The following COPG2 variants were observed in gnomAD, a reference collection of about 807,000 sequenced individuals.
COPG2 encodes the protein coatomer subunit gamma-2.
Under a neutral mutation model 46.3 loss-of-function variants are expected in COPG2, and 37 were observed. The observed-to-expected ratio is 0.80, with a 90% confidence interval of 0.61 to 1.05. The LOEUF (loss-of-function observed/expected upper bound fraction) is 1.05, where lower values mean the gene tolerates loss of function less well. COPG2 is among the 50% of genes least tolerant of loss of function. The pLI is 0.00. For missense variants in COPG2, 427 were observed against 387.8 expected (o/e 1.10, Z -0.85); for synonymous variants, 159 against 129.7 (o/e 1.23, Z -1.53).
chr7:130,545,724 C>T (rs1184343880), intron 20 of COPG2, among the ~76,000 whole-genome samples: 2 of 152,016 alleles, frequency 1.3e-5, no homozygotes, highest in Non-Finnish European at 2.9e-5. Context: ...ATCAAACAAA[C>T]CATCAAGCAA....
chr7:130,518,341 A>C (rs1799695900), intron 20 of COPG2, among the ~76,000 whole-genome samples: 1 of 152,176 alleles, frequency 6.6e-6, no homozygotes, highest in South Asian at 2.1e-4. Flanking sequence ...TTTGTTGATA[A>C]GAAAGGGTAG....
At chr7:130,531,347 G>A (rs1486261074) in intron 20 of COPG2, among the ~76,000 whole-genome samples, 1 of 152,042 alleles carries the variant, frequency 6.6e-6, no homozygotes, top group African/African-American at 2.4e-5. Context: ...CCTCACGTAG[G>A]GTGCAAGGTC....
intron 12 of COPG2, among the ~76,000 whole-genome samples, chr7:130,558,845 C>T (rs1201660667): frequency 2.0e-5 from 3 of 151,950 alleles, no homozygotes; most frequent in Non-Finnish European, 4.4e-5. Context: ...TGGGGGGCAA[C>T]TAACTGTGTA....
In COPG2 at chr7:130,662,970, A is replaced by T; in HGVS notation, c.240T>A (p.Asn80Lys). 6.5e-7 allele frequency: 1 copy of T among 1,540,822 alleles called. No homozygotes were observed. The highest frequency in any genetic ancestry group is 1.2e-5 in the South Asian group (1 of 81,672). Reference sequence around the variant, plus strand: ...AAAAAAATTTAAAAAGACTTACATCATTAGATTGAAACAATCGCGTCATTG... The same window carrying T: ...AAAAAAATTTAAAAAGACTTACATCTTTAGATTGAAACAATCGCGTCATTG... ...FFAMTRLFQS[N>K]DQTLRRMCYL... Residue 80 changes from asparagine (N) to lysine (K), a missense_variant, in exon 4 of 24, where the codon AAT becomes AAA. By Grantham distance (94) the Asn-to-Lys change is moderately conservative (BLOSUM62 0). Coordinates refer to ENST00000425248, the MANE Select transcript of COPG2 (RefSeq NM_012133.6).
intron 19 of COPG2, 43 bp from the exon 20 acceptor site, chr7:130,547,888 T>C (rs1793470546): frequency 2.5e-6 from 1 of 398,410 alleles, no homozygotes. Flanking sequence ...GATAACAAGT[T>C]ATCCTTCCTA....
intron 20 of COPG2, among the ~76,000 whole-genome samples, chr7:130,534,994 G>C (rs1799864397): frequency 6.6e-6 from 1 of 152,190 alleles, no homozygotes; most frequent in African/African-American, 2.4e-5. Flanking sequence ...GCAGCCGTAA[G>C]GGAAGGCGCT....
chr7:130,561,535 G>T (rs1158155308), intron 11 of COPG2, among the ~76,000 whole-genome samples: 2 of 152,068 alleles, frequency 1.3e-5, no homozygotes, highest in African/African-American at 4.8e-5. Context: ...TAGATGTTAG[G>T]AGTACTGACA....
intron 9 of COPG2, among the ~76,000 whole-genome samples, chr7:130,582,985 T>C (rs1305105437): frequency 1.3e-5 from 2 of 151,582 alleles, no homozygotes; most frequent in African/African-American, 4.8e-5. Context: ...GACCCAGCCA[T>C]CCCATTACTG....
chr7:130,628,919 T>C (rs1296066452), intron 5 of COPG2, among the ~76,000 whole-genome samples: 1 of 152,116 alleles, frequency 6.6e-6, no homozygotes, highest in Non-Finnish European at 1.5e-5. Context: ...ATAGTAGTGT[T>C]CGCCTGTAGT....
chr7:130,595,784 G>A (rs1220665775), intron 9 of COPG2, among the ~76,000 whole-genome samples: 1 of 149,352 alleles, frequency 6.7e-6, no homozygotes, highest in Non-Finnish European at 1.5e-5. Context: ...TGGCGCTGAG[G>A]TCCCATCGGC....
rs1486727827 is a variant in COPG2 at position 130,646,971 on chromosome 7, GTA to G, written c.323+5896_323+5897del. 1.9e-4 allele frequency among the ~76,000 whole-genome samples: 3 copies of G among 15,888 alleles called. 1 individual carries two copies. In the South Asian group the frequency reaches 0.031, roughly 165 times the overall value. 10.4% of individuals were successfully genotyped at this position (15,888 alleles called of 152,430 possible). ...TATATATATATGCATATATATATGT[GTA>G]TATATATATGTATATATATATATGT... On this transcript the variant is annotated intron_variant, in intron 5 of 23. Coordinates refer to ENST00000425248, the MANE Select transcript of COPG2 (RefSeq NM_012133.6).
intron 20 of COPG2, among the ~76,000 whole-genome samples, chr7:130,533,382 CAA>C (rs1315961748): frequency 3.3e-5 from 5 of 151,800 alleles, no homozygotes; most frequent in Non-Finnish European, 7.4e-5. Context: ...AGAGACTTTA[CAA>C]AGTCTATGAA....
chr7:130,511,256 GAAT>G (rs1799590723), intron 20 of COPG2, among the ~76,000 whole-genome samples: 1 of 152,070 alleles, frequency 6.6e-6, no homozygotes, highest in African/African-American at 2.4e-5. Flanking sequence ...AGCTTTGTTA[GAAT>G]AATAATTAAA....
chr7:130,515,619 A>G (rs1049577114), intron 20 of COPG2, among the ~76,000 whole-genome samples: 8 of 152,308 alleles, frequency 5.3e-5, no homozygotes, highest in Non-Finnish European at 1.2e-4. Context: ...AACAATTCTG[A>G]TAAAGAGCCT....
In COPG2 at chr7:130,541,335, T is replaced by A. The variant is rs1438494287; in HGVS notation, c.2149+6339A>T. ...AGAGCAGAGAGCAGGGGATCTGTTG[T>A]CACGGGGAGGGAAGGTGCAAAGGGA... On this transcript the variant is annotated intron_variant, in intron 20 of 23. Coordinates refer to ENST00000425248, the MANE Select transcript of COPG2 (RefSeq NM_012133.6). Among the ~76,000 whole-genome samples, 7 of 151,668 alleles carry A rather than the reference T, an allele frequency of 4.6e-5. No homozygotes were observed. The East Asian group carries it at 1.2e-3, about 25-fold the overall frequency.
intron 20 of COPG2, chr7:130,509,189 C>T: frequency 2.2e-6 from 1 of 460,246 alleles, no homozygotes; most frequent in Non-Finnish European, 4.3e-6. Flanking sequence ...AACCTTCAGC[C>T]TAAAGTGAGT....
At chr7:130,634,733 C>A (rs2116179226) in intron 5 of COPG2, among the ~76,000 whole-genome samples, 1 of 152,226 alleles carries the variant, frequency 6.6e-6, no homozygotes, top group Middle Eastern at 3.4e-3. Context: ...CTAGCCAGAA[C>A]TTCCAATAAT....
chr7:130,512,565 A>G (rs1554441168), intron 20 of COPG2, among the ~76,000 whole-genome samples: 1 of 152,082 alleles, frequency 6.6e-6, no homozygotes, highest in Non-Finnish European at 1.5e-5. Context: ...AGATCACTTG[A>G]GGTCAGGAGT....
intron 9 of COPG2, among the ~76,000 whole-genome samples, chr7:130,588,834 T>C (rs1381911609): frequency 2.6e-5 from 4 of 152,144 alleles, no homozygotes; most frequent in African/African-American, 7.2e-5. Context: ...ACAGTCCTCT[T>C]TGACAATCTT....
Sources: gnomAD v4.1 joint callset for allele counts (sites outside exome capture counted in the v4.1 genomes callset) on GRCh38, gnomAD v4.1.1 for gene constraint, MANE v1.5 for transcripts, NCBI Gene and HGNC (gene_info 2026-07-23, HGNC 2026-07-21) for gene names.